The following PALM2AKAP2 variants were observed in gnomAD, a reference collection of about 807,000 sequenced individuals.
PALM2AKAP2 encodes the protein PALM2 and AKAP2 fusion.
A neutral mutation model predicts 71.5 loss-of-function variants in PALM2AKAP2; 37 were observed. The observed-to-expected ratio is 0.52, with a 90% CI of 0.40 to 0.68. PALM2AKAP2 has a LOEUF of 0.68. PALM2AKAP2 is among the 30% of genes least tolerant of loss of function. The pLI is 0.00. For missense variants in PALM2AKAP2, 1,224 were observed against 1,191.8 expected, an observed-to-expected ratio of 1.03 and a Z score of -0.40; for synonymous variants, 468 against 478.8, an observed-to-expected ratio of 0.98 and a Z score of 0.29.
chr9:109,725,573 C>T (rs995915919), intron 1 of PALM2AKAP2, among the ~76,000 whole-genome samples: 6 of 151,924 alleles, frequency 3.9e-5, no homozygotes, highest in Admixed American at 1.3e-4. Context: ...TGGTATGACT[C>T]GTAAGAAAAA....
At chr9:109,683,223 C>G (rs1468432166) in intron 1 of PALM2AKAP2, among the ~76,000 whole-genome samples, 3 of 152,144 alleles carry the variant, frequency 2.0e-5, no homozygotes, top group Non-Finnish European at 4.4e-5. Flanking sequence ...AATGGTGAGC[C>G]AATTAAACCT....
intron 1 of PALM2AKAP2, among the ~76,000 whole-genome samples, chr9:109,686,633 A>G (rs1827808569): frequency 6.7e-6 from 1 of 149,450 alleles, no homozygotes. Flanking sequence ...TTATTTATTT[A>G]TTTTATTTTT....
chr9:109,728,657 T>A (rs1828510372), intron 1 of PALM2AKAP2, among the ~76,000 whole-genome samples: 2 of 152,238 alleles, frequency 1.3e-5, no homozygotes, highest in African/African-American at 4.8e-5. Flanking sequence ...TTATTTAATG[T>A]TACCAGTGAA....
At chr9:109,839,841 A>G (rs147370769) in intron 1 of PALM2AKAP2, among the ~76,000 whole-genome samples, 2,115 of 152,272 alleles carry the variant, frequency 0.014, 45 homozygotes, top group African/African-American at 0.045. Context: ...AGAGCTACAA[A>G]CCACTGCTCA....
At chr9:110,058,551 G>A (rs1833893991) in intron 1 of PALM2AKAP2, among the ~76,000 whole-genome samples, 1 of 152,060 alleles carries the variant, frequency 6.6e-6, no homozygotes, top group Non-Finnish European at 1.5e-5. Flanking sequence ...CTGGAGGCTG[G>A]GGGAGGAACG....
chr9:109,983,358 T>C (rs1455353082), intron 6 of PALM2AKAP2, among the ~76,000 whole-genome samples: 1 of 152,160 alleles, frequency 6.6e-6, no homozygotes, highest in Non-Finnish European at 1.5e-5. Flanking sequence ...TTTTCTATGC[T>C]CTCTCCTCTC....
chr9:109,707,184 C>G (rs966685835), intron 1 of PALM2AKAP2, among the ~76,000 whole-genome samples: 1 of 152,168 alleles, frequency 6.6e-6, no homozygotes, highest in African/African-American at 2.4e-5. Flanking sequence ...TGCATGGCCT[C>G]TCTTTCCACT....
chr9:109,953,702 G>A (rs1416847256), intron 6 of PALM2AKAP2, among the ~76,000 whole-genome samples: 3 of 151,940 alleles, frequency 2.0e-5, no homozygotes, highest in Non-Finnish European at 2.9e-5. Context: ...GGGCTTGGTG[G>A]CACGTGCCTG....
upstream of PALM2AKAP2, among the ~76,000 whole-genome samples, chr9:109,776,568 G>A (rs1829351246): frequency 6.6e-6 from 1 of 152,214 alleles, no homozygotes. Flanking sequence ...TGACTGAGCC[G>A]AGATTGCCTG....
chr9:109,666,385 C>G (rs1827485899), intron 1 of PALM2AKAP2, among the ~76,000 whole-genome samples: 1 of 152,152 alleles, frequency 6.6e-6, no homozygotes, highest in Non-Finnish European at 1.5e-5. Context: ...TTTGATGAAT[C>G]TCAATTTGGA....
At position 109,668,030 on chromosome 9, in the gene PALM2AKAP2, G is replaced by A. The variant is rs1285392315; in HGVS notation, c.5+27164G>A. 7.1e-5 allele frequency among the ~76,000 whole-genome samples: 4 copies of A among 56,408 alleles called. 1 individual carries two copies. Among genetic ancestry groups the A allele is most frequent in the Non-Finnish European group, 1.2e-4 (4 of 33,624 alleles). The allele number at this position is 56,408 out of a possible 152,430, so 37.0% of individuals were successfully genotyped here. On this transcript the variant is annotated intron_variant, in intron 1 of 6. Transcript: ENST00000374531. ...CGGCTCACTGCAAGCTCTGCCTCCC[G>A]GATTCACGCCATTCTCCTGCCTCAG...
chr9:110,082,891 C>T (rs1834480244), intron 1 of PALM2AKAP2, among the ~76,000 whole-genome samples: 2 of 152,206 alleles, frequency 1.3e-5, no homozygotes, highest in South Asian at 4.1e-4. Context: ...CCTGTAATCC[C>T]AGCACGTTGG....
In PALM2AKAP2 at chr9:110,076,492, CATAT is replaced by C. The variant is rs149836822; in HGVS notation, c.156+27653_156+27656del. On this transcript the variant is annotated intron_variant, in intron 1 of 3. Coordinates refer to ENST00000374525, the Ensembl canonical transcript of PALM2AKAP2. ...ATATAGGTATATCATATATATTCTA[CATAT>C]ATATATATATATATAGGTATATATA... Among the ~76,000 whole-genome samples the C allele has an allele frequency of 8.8e-4, 94 of 106,750 alleles. 10 individuals are homozygous for C. The highest frequency in any genetic ancestry group is 3.5e-3 in the African/African-American group (78 of 22,252). 70.0% of individuals were successfully genotyped at this position (106,750 alleles called of 152,430 possible).
intron 1 of PALM2AKAP2, among the ~76,000 whole-genome samples, chr9:110,085,259 T>G (rs1357601695): frequency 6.6e-6 from 1 of 152,004 alleles, no homozygotes; most frequent in African/African-American, 2.4e-5. Flanking sequence ...GTAATTAAAG[T>G]TAAAGAGAAT....
At chr9:109,641,068 C>T (rs755767886) in intron 1 of PALM2AKAP2, among the ~76,000 whole-genome samples, 10 of 152,210 alleles carry the variant, frequency 6.6e-5, no homozygotes, top group Admixed American at 2.0e-4. Context: ...GTGGTTTTTG[C>T]GGCTGCCCCT....
intron 2 of PALM2AKAP2, among the ~76,000 whole-genome samples, chr9:110,152,007 C>G (rs750070294): frequency 6.6e-6 from 1 of 152,172 alleles, no homozygotes; most frequent in Non-Finnish European, 1.5e-5. Context: ...GTGGCTGAGA[C>G]AGACTGATCA....
chr9:109,827,898 AG>A (rs772001253), intron 1 of PALM2AKAP2, among the ~76,000 whole-genome samples: 7 of 152,248 alleles, frequency 4.6e-5, no homozygotes, highest in Admixed American at 4.6e-4. Flanking sequence ...CTGCCTTCAA[AG>A]ATTATAAGCT....
At chr9:109,873,432 T>G (rs1829650411) in intron 2 of PALM2AKAP2, among the ~76,000 whole-genome samples, 1 of 143,708 alleles carries the variant, frequency 7.0e-6, no homozygotes, top group African/African-American at 2.8e-5. Flanking sequence ...TGAGACTCCA[T>G]CTCAAATTAA....
chr9:109,963,744 G>T (rs906503032), intron 6 of PALM2AKAP2, among the ~76,000 whole-genome samples: 1 of 152,158 alleles, frequency 6.6e-6, no homozygotes. Context: ...TCTCCTGAAC[G>T]GTCCCAGCTC....
Sources: gnomAD v4.1 joint callset for allele counts (sites outside exome capture counted in the v4.1 genomes callset) on GRCh38, gnomAD v4.1.1 for gene constraint, MANE v1.5 for transcripts, NCBI Gene and HGNC (gene_info 2026-07-23, HGNC 2026-07-21) for gene names.